Variants in MYH3 observed in about 807,000 individuals in gnomAD.
The protein encoded by MYH3 is myosin-3.
A neutral mutation model predicts 238.0 loss-of-function variants in MYH3; 130 were observed. The observed-to-expected ratio is 0.55, with a 90% CI of 0.47 to 0.63. MYH3 has a LOEUF of 0.63. Among genes scored for constraint, MYH3 ranks in the 30% least tolerant of loss-of-function variants. MYH3 has a pLI of 0.00. For missense variants in MYH3, 1,853 were observed against 2,374.9 expected (o/e 0.78, Z 4.57); for synonymous variants, 880 against 924.1 (o/e 0.95, Z 0.86).
intron 14 of MYH3, 121 bp downstream of exon 14, chr17:10,644,230 T>TCC: frequency 9.7e-7 from 1 of 1,029,556 alleles, no homozygotes; most frequent in Non-Finnish European, 1.5e-6. Flanking sequence ...CCATCCACTC[T>TCC]CCATCTAGTT....
rs1415122349 is a variant in MYH3 at position 10,633,570 on chromosome 17, A to G, written c.4647+21T>C. The G allele has an allele frequency of 1.9e-6, 3 of 1,611,744 alleles. No homozygotes were observed. The South Asian group carries it at 3.3e-5, about 18-fold the overall frequency. ...CTCACCATGGCTGCATCTGCGCCTG[A>G]GCCTGCCTCCCAGCACTCACCTCTG... is the stretch of plus-strand genomic sequence containing the variant. On this transcript the variant is annotated intron_variant, in intron 33 of 40. Transcript: ENST00000583535.
chr17:10,639,650 C>T lies in MYH3; in HGVS notation c.2835G>A (p.Glu945=). 6 of 1,614,048 alleles carry T rather than the reference C, an allele frequency of 3.7e-6. No individual in the cohort carries two copies. The highest frequency in any genetic ancestry group is 5.1e-6 in the Non-Finnish European group (6 of 1,180,026). The change falls in exon 23 of 41, where the codon GAG becomes GAA. Residue 945 remains glutamate, a synonymous_variant. Transcript: ENST00000583535. ...AELTAKKRKL[E]DECSELKKDI... ...CTTTCTTGAGCTCTGAGCATTCATC[C>T]TCCAGTTTCCTCTTCTTGGCCGTCA...
In MYH3 at chr17:10,645,761, T is replaced by C. The variant is rs764459498; in HGVS notation, c.1087A>G (p.Met363Val). ...LTGAVMHYGN[M>V]KFKQKQREEQ... The stretch of plus-strand genomic sequence containing the variant: ...TCTCGCTGCTTCTGCTTGAACTTCA[T>C]GTTCCCGTAGTGCATCACGGCTCCC... Residue 363 changes from methionine to valine, a missense_variant, in exon 12 of 41, where the codon ATG becomes GTG. Met to Val is a conservative substitution (Grantham distance 21). Coordinates refer to ENST00000583535, the MANE Select transcript of MYH3 (RefSeq NM_002470.4). 6.2e-7 allele frequency: 1 copy of C among 1,613,890 alleles called. No individual in the cohort carries two copies. The highest frequency in any genetic ancestry group is 1.1e-5 in the South Asian group (1 of 91,072).
chr17:10,636,190 G>A (rs890477861), intron 28 of MYH3, among the ~76,000 whole-genome samples: 1 of 151,294 alleles, frequency 6.6e-6, no homozygotes, highest in African/African-American at 2.4e-5. Flanking sequence ...GCGTGGTCAT[G>A]GGCACCTGTA....
intron 26 of MYH3, 44 bp from the exon 27 acceptor site, chr17:10,638,476 C>T (rs753236399): frequency 9.4e-6 from 15 of 1,598,766 alleles, no homozygotes; most frequent in Middle Eastern, 1.7e-4. Context: ...GGGTTCACCG[C>T]GGGGACTCTG....
At chr17:10,637,068 T>TC (rs1474167709) in intron 28 of MYH3, among the ~76,000 whole-genome samples, 1 of 151,516 alleles carries the variant, frequency 6.6e-6, no homozygotes, top group Non-Finnish European at 1.5e-5. Context: ...TTAAACTTTT[T>TC]TTTTTTTTGA....
rs2074247548 is a variant in MYH3, at chr17:10,639,415, T to C, written c.2985A>G (p.Arg995=). The C allele has an allele frequency of 6.2e-7, 1 of 1,614,002 alleles. No individual in the cohort carries two copies. The highest frequency in any genetic ancestry group is 1.1e-5 in the South Asian group (1 of 91,080). ...GCGCCTCTTGGAGGGCCTTCTTCTCTCTGGTTAACTTTGCAATTGTTTCAT... is the reference window on the plus strand; with the variant it reads ...GCGCCTCTTGGAGGGCCTTCTTCTCCCTGGTTAACTTTGCAATTGTTTCAT... The part of the protein sequence containing the change: ...GLDETIAKLT[R]EKKALQEAHQ... Residue 995 remains arginine, a synonymous_variant, in exon 24 of 41, where the codon AGA becomes AGG. Transcript: ENST00000583535.
chr17:10,652,661 G>C, intron 3 of MYH3, 98 bp from the exon 4 acceptor site: 2 of 1,348,852 alleles, frequency 1.5e-6, no homozygotes, highest in South Asian at 2.6e-5. Flanking sequence ...TTGCTTTGTC[G>C]CCCAGGCTGG....
intron 33 of MYH3, 62 bp downstream of exon 33, chr17:10,633,529 G>T: frequency 6.2e-7 from 1 of 1,604,766 alleles, no homozygotes; most frequent in South Asian, 1.1e-5. Context: ...GGAGCAGCCA[G>T]CCTCCCTGGC....
chr17:10,667,339 T>C, the MYH3 span, among the ~76,000 whole-genome samples: 2 of 152,186 alleles, frequency 1.3e-5, no homozygotes, highest in South Asian at 2.1e-4. Context: ...AGGAGGCTAA[T>C]TGAATAAATT....
At chr17:10,668,423 T>C in the MYH3 span, among the ~76,000 whole-genome samples, 6 of 152,230 alleles carry the variant, frequency 3.9e-5, 1 homozygote. Context: ...TTCTATCTAT[T>C]CAAATCTACA....
At position 10,640,088 on chromosome 17, in the gene MYH3, G is replaced by T; in HGVS notation, c.2590C>A (p.Leu864Ile). 1 of 1,614,150 alleles carries T rather than the reference G, an allele frequency of 6.2e-7. No homozygotes were observed. Among genetic ancestry groups the T allele is most frequent in the South Asian group, 1.1e-5 (1 of 91,070 alleles). ...KEEFQKTKDE[L>I]AKSEAKRKEL... The stretch of plus-strand genomic sequence containing the variant: ...TTCCTTTTTGCCTCCGACTTGGCGA[G>T]TTCATCTTTGGTTTTCTGGAATTCT... Residue 864 changes from leucine to isoleucine, a missense_variant, in exon 22 of 41, where the codon CTC becomes ATC. Leu to Ile is a conservative substitution (Grantham distance 5). Coordinates refer to ENST00000583535, the MANE Select transcript of MYH3 (RefSeq NM_002470.4).
intron 1 of MYH3, among the ~76,000 whole-genome samples, chr17:10,656,467 A>G (rs7220249): frequency 0.64 from 96,260 of 151,322 alleles, 32,316 homozygotes; most frequent in Non-Finnish European, 0.77. Context: ...AACCTGGGAG[A>G]CAGAGGTTGC....
chr17:10,665,062 T>G, the MYH3 span, among the ~76,000 whole-genome samples: 1 of 152,184 alleles, frequency 6.6e-6, no homozygotes, highest in Non-Finnish European at 1.5e-5. Context: ...ATAGAAAATA[T>G]AGAAGAAAGG....
chr17:10,642,694 C>T lies in MYH3; in HGVS notation c.1611G>A (p.Glu537=), dbSNP rs1597488114. The T allele has an allele frequency of 6.2e-7, 1 of 1,614,238 alleles. No individual in the cohort carries two copies. Among genetic ancestry groups the T allele is most frequent in the Non-Finnish European group, 8.5e-7 (1 of 1,180,044 alleles). Reference sequence around the variant, plus strand: ...CTGTTGCCTTGGGGAACATGCACTCCTCTTCCAGGATGGAGAAGATGCCCA... The same window carrying T: ...CTGTTGCCTTGGGGAACATGCACTCTTCTTCCAGGATGGAGAAGATGCCCA... ...KPMGIFSILE[E]ECMFPKATDT... The change falls in exon 16 of 41, where the codon GAG becomes GAA. Residue 537 remains glutamate, a synonymous_variant. Transcript: ENST00000583535. The surrounding 1 kb of genome is among the most constrained non-coding windows in gnomAD (Gnocchi z 5.4).
the MYH3 span, among the ~76,000 whole-genome samples, chr17:10,671,172 C>T: frequency 1.1e-4 from 16 of 152,262 alleles, no homozygotes; most frequent in Admixed American, 2.0e-4. Context: ...GGATTACAGG[C>T]GTGAGCCACC....
In MYH3 at chr17:10,638,053, G is replaced by T. The variant is rs551363957; in HGVS notation, c.3719C>A (p.Ser1240Ter). 2 of 1,613,604 alleles carry T rather than the reference G, an allele frequency of 1.2e-6. No individual in the cohort carries two copies. Among genetic ancestry groups the T allele is most frequent in the Non-Finnish European group, 8.5e-7 (1 of 1,179,974 alleles). Residue 1240 changes from serine (S) to a stop codon, truncating the protein, a stop_gained, in exon 27 of 41, where the codon TCG becomes TAG. Coordinates refer to ENST00000583535, the MANE Select transcript of MYH3 (RefSeq NM_002470.4). LOFTEE classifies it high-confidence loss of function. ...DDLSSSMESV[S>*]KSKANLEKIC... ...CACCCCGCGCAGCACCTTAGATTTCGACACACTCTCCATGCTGCTGGAGAG... is the reference window on the plus strand; with the variant it reads ...CACCCCGCGCAGCACCTTAGATTTCTACACACTCTCCATGCTGCTGGAGAG...
At position 10,656,762 on chromosome 17, in the gene MYH3, C is replaced by T. The variant is rs933031575; in HGVS notation, c.-68+527G>A. ...GCATCCCTGCTTAAAGTCAACAGTT[C>T]GAGGGCAGGGGCAGGTCTCCTTGTC... On this transcript the variant is annotated intron_variant, in intron 1 of 40. Coordinates refer to ENST00000583535, the MANE Select transcript of MYH3 (RefSeq NM_002470.4). Among the ~76,000 whole-genome samples, 5 of 152,078 alleles carry T rather than the reference C, an allele frequency of 3.3e-5. No homozygotes were observed. The East Asian group carries it at 5.8e-4, about 18-fold the overall frequency.
intron 3 of MYH3, among the ~76,000 whole-genome samples, chr17:10,652,984 G>A (rs1396427952): frequency 1.3e-5 from 2 of 152,122 alleles, no homozygotes; most frequent in African/African-American, 4.8e-5. Flanking sequence ...CGAGATGGAA[G>A]GGCCAAACCC....
Sources: allele counts gnomAD v4.1 joint callset (sites outside exome capture counted in the v4.1 genomes callset), GRCh38; gene constraint gnomAD v4.1.1; non-coding constraint Gnocchi (gnomAD v3.1); transcripts MANE v1.5; gene names NCBI Gene and HGNC (gene_info 2026-07-23, HGNC 2026-07-21).